The following ARPC5L variants were observed in gnomAD, a reference collection of about 807,000 sequenced individuals.
ARPC5L encodes actin-related protein 2/3 complex subunit 5-like protein.
A neutral mutation model predicts 16.9 loss-of-function variants in ARPC5L; 4 were observed. The observed-to-expected ratio is 0.24, with a 90% confidence interval of 0.12 to 0.54. The LOEUF is 0.54. Among genes scored for constraint, ARPC5L ranks in the 20% least tolerant of loss-of-function variants. ARPC5L has a pLI of 0.95. For synonymous variants in ARPC5L, 78 were observed against 82.6 expected, an observed-to-expected ratio of 0.94 and a Z score of 0.30; for missense variants, 151 against 201.9, an observed-to-expected ratio of 0.75 and a Z score of 1.53.
chr9:124,871,565 A>G (rs180795017), intron 3 of ARPC5L, among the ~76,000 whole-genome samples: 40 of 152,264 alleles, frequency 2.6e-4, no homozygotes, highest in African/African-American at 7.9e-4. Flanking sequence ...CCTCAATTCC[A>G]TTGCCTTTAA....
chr9:124,876,447 T>C (rs545536333), intron 5 of ARPC5L, among the ~76,000 whole-genome samples: 16 of 152,142 alleles, frequency 1.1e-4, no homozygotes, highest in African/African-American at 3.6e-4. Context: ...GATCGTGCCA[T>C]TGCACTCCAG....
At position 124,877,641 on chromosome 9, in the gene ARPC5L, CTATT is replaced by C. The variant is rs1449781667; in HGVS notation, c.*706_*709del. 2.6e-5 allele frequency: 4 copies of C among 152,236 alleles called. No individual in the cohort carries two copies. The highest frequency in any genetic ancestry group is 2.6e-4 in the Admixed American group (4 of 15,276). The allele number at this position is 152,236 out of a possible 1,614,324, so 9.4% of individuals were successfully genotyped here. On this transcript the variant is annotated 3_prime_UTR_variant, in exon 6 of 6. Coordinates refer to ENST00000353214, the MANE Select transcript of ARPC5L (RefSeq NM_030978.3). ...TGCAGAGAGGTGTTTGCTGAATAAA[CTATT>C]TATTGTTTCTTATTCCTTTGATTTG...
At chr9:124,876,316 G>A (rs934683021) in intron 5 of ARPC5L, among the ~76,000 whole-genome samples, 40 of 151,996 alleles carry the variant, frequency 2.6e-4, no homozygotes, top group African/African-American at 8.0e-4. Context: ...GTGAAACCCC[G>A]TCTCTACTAA....
In ARPC5L at chr9:124,869,454, C is replaced by A; in HGVS notation, c.149+15C>A. 1 of 1,439,242 alleles carries A rather than the reference C, an allele frequency of 6.9e-7. No homozygotes were observed. 89.2% of individuals were successfully genotyped at this position (1,439,242 alleles called of 1,614,324 possible). The stretch of plus-strand genomic sequence containing the variant: ...CTCCTGCGGCAATATCCTTCCCTGA[C>A]GCGGCGTCCGGGCCTGCGCGCGGCC... On this transcript the variant is annotated intron_variant, in intron 3 of 5. Coordinates refer to ENST00000353214, the MANE Select transcript of ARPC5L (RefSeq NM_030978.3).
intron 3 of ARPC5L, chr9:124,872,610 A>C (rs1829375767): frequency 7.3e-6 from 1 of 137,670 alleles, no homozygotes; most frequent in Non-Finnish European, 1.6e-5. Flanking sequence ...AAAAAAAAGG[A>C]GTTACAAAGT....
At chr9:124,869,525 G>T in intron 3 of ARPC5L, 86 bp downstream of exon 3, 1 of 1,391,720 alleles carries the variant, frequency 7.2e-7, no homozygotes, top group Non-Finnish European at 9.3e-7. Context: ...TTTCGGGCGG[G>T]CCTCCCCTGT....
intron 4 of ARPC5L, among the ~76,000 whole-genome samples, chr9:124,874,152 T>A (rs1829400210): frequency 6.6e-6 from 1 of 152,142 alleles, no homozygotes; most frequent in African/African-American, 2.4e-5. Context: ...AAAAACTAAA[T>A]TGTGCTTACT....
chr9:124,869,224 TGCGAGCGGAGCAGAGCCGAGGTCGGGCC>T lies in ARPC5L; in HGVS notation c.-55_-28del, dbSNP rs1285388648. On this transcript the variant is annotated 5_prime_UTR_variant, in exon 3 of 6. Transcript: ENST00000353214. Reference sequence around the variant, plus strand: ...CTTCCCGCCCCCGAGCAGGAGCCGGTGCGAGCGGAGCAGAGCCGAGGTCGGGCCGCGAGCGGAGCCGGCTGAGCGGGCG... The same window carrying T: ...CTTCCCGCCCCCGAGCAGGAGCCGGTGCGAGCGGAGCCGGCTGAGCGGGCG... The T allele has an allele frequency of 6.7e-5, 92 of 1,379,426 alleles. 1 individual carries two copies. The highest frequency in any genetic ancestry group is 9.3e-5 in the East Asian group (3 of 32,270). The allele number at this position is 1,379,426 out of a possible 1,614,324, so 85.4% of individuals were successfully genotyped here.
chr9:124,865,861 C>T (rs1829263417), intron 2 of ARPC5L, among the ~76,000 whole-genome samples: 1 of 151,760 alleles, frequency 6.6e-6, no homozygotes, highest in Admixed American at 6.6e-5. Context: ...AATCCCAGCA[C>T]TTTGGGAGGC....
At chr9:124,872,681 A>T (rs1348381179) in intron 3 of ARPC5L, 1 of 152,168 alleles carries the variant, frequency 6.6e-6, no homozygotes, top group Non-Finnish European at 1.5e-5. Flanking sequence ...GGAACTCCAG[A>T]ACTGAAAGAC....
intron 2 of ARPC5L, among the ~76,000 whole-genome samples, chr9:124,866,631 T>C (rs1256085873): frequency 6.6e-6 from 1 of 151,996 alleles, no homozygotes; most frequent in East Asian, 1.9e-4. Flanking sequence ...TGAGGCAGAA[T>C]TGCTTGAACC....
At position 124,869,087 on chromosome 9, in the gene ARPC5L, T is replaced by C. The variant is rs951427662; in HGVS notation, c.-204T>C. 17 of 481,656 alleles carry C rather than the reference T, an allele frequency of 3.5e-5. No individual in the cohort carries two copies. The highest frequency in any genetic ancestry group is 5.0e-5 in the Non-Finnish European group (15 of 299,008). 29.8% of individuals were successfully genotyped at this position (481,656 alleles called of 1,614,324 possible). A position where few individuals can be genotyped will look rare whatever the true frequency, so the allele number is the denominator to read the frequency against. On this transcript the variant is annotated 5_prime_UTR_variant, in exon 3 of 6. Transcript: ENST00000353214. The stretch of plus-strand genomic sequence containing the variant: ...CCATACCGCACTCCAGGTGCCAGGC[T>C]CCGCCCCGCCCCTGACGGCGCTTCC...
chr9:124,874,340 T>G (rs1829402427), intron 4 of ARPC5L, among the ~76,000 whole-genome samples: 1 of 152,124 alleles, frequency 6.6e-6, no homozygotes, highest in Admixed American at 6.5e-5. Context: ...CAACCTGGTT[T>G]TATTTTTATT....
chr9:124,870,102 C>T (rs978269669), intron 3 of ARPC5L, among the ~76,000 whole-genome samples: 1 of 152,196 alleles, frequency 6.6e-6, no homozygotes, highest in Non-Finnish European at 1.5e-5. Flanking sequence ...GTGGTCTCAG[C>T]CACGCTCAAC....
Position 124,869,144 on chromosome 9 carries a change from G to T in ARPC5L, c.-147G>T. 1 of 974,002 alleles carries T rather than the reference G, an allele frequency of 1.0e-6. No homozygotes were observed. Among genetic ancestry groups the T allele is most frequent in the Non-Finnish European group, 1.3e-6 (1 of 744,968 alleles). 60.3% of individuals were successfully genotyped at this position (974,002 alleles called of 1,614,324 possible). A position where few individuals can be genotyped will look rare whatever the true frequency, so the allele number is the denominator to read the frequency against. On this transcript the variant is annotated 5_prime_UTR_variant, in exon 3 of 6. Transcript: ENST00000353214. ...GGCGGGTGCCGGAAGTGGGCGGGCG[G>T]CGGCGGCTGCGCGCGGAGGCGGTGG... is the stretch of plus-strand genomic sequence containing the variant.
chr9:124,867,546 T>A (rs1266002457), intron 2 of ARPC5L, among the ~76,000 whole-genome samples: 1 of 152,088 alleles, frequency 6.6e-6, no homozygotes, highest in Non-Finnish European at 1.5e-5. Context: ...GATTTTTAAA[T>A]TGTGTCTCCC....
chr9:124,867,795 TTTC>T (rs1304368179), intron 2 of ARPC5L, among the ~76,000 whole-genome samples: 7 of 134,534 alleles, frequency 5.2e-5, no homozygotes, highest in Admixed American at 1.7e-4. Flanking sequence ...CCCTGAGACT[TTTC>T]TTTTCTTTTC....
intron 2 of ARPC5L, among the ~76,000 whole-genome samples, chr9:124,865,833 G>A (rs896491160): frequency 6.6e-6 from 1 of 151,920 alleles, no homozygotes; most frequent in Non-Finnish European, 1.5e-5. Context: ...GGGACTGGGC[G>A]TGGTGGCTCA....
Position 124,874,860 on chromosome 9 carries a change from G to A in ARPC5L, c.223-115G>A, listed in dbSNP as rs1298246337. The A allele has an allele frequency of 2.3e-6, 3 of 1,286,122 alleles. No individual in the cohort carries two copies. In the African/African-American group the frequency reaches 4.4e-5, roughly 19 times the overall value. The allele number at this position is 1,286,122 out of a possible 1,614,324, so 79.7% of individuals were successfully genotyped here. On this transcript the variant is annotated intron_variant, in intron 4 of 5. Coordinates refer to ENST00000353214, the MANE Select transcript of ARPC5L (RefSeq NM_030978.3). ...TAACCCACTTATTTTAACCATCCTGGACGAATTAGAAACTGGGCAGTGTTT... is the reference window on the plus strand; with the variant it reads ...TAACCCACTTATTTTAACCATCCTGAACGAATTAGAAACTGGGCAGTGTTT...
Sources: gnomAD v4.1 joint callset for allele counts (sites outside exome capture counted in the v4.1 genomes callset) on GRCh38, gnomAD v4.1.1 for gene constraint, MANE v1.5 for transcripts, NCBI Gene and HGNC (gene_info 2026-07-23, HGNC 2026-07-21) for gene names.